LRFN2: variants seen among roughly 807,000 people sequenced by gnomAD.
LRFN2 encodes leucine-rich repeat and fibronectin type-III domain-containing protein 2.
A neutral mutation model predicts 37.3 loss-of-function variants in LRFN2; 18 were observed. That is an observed-to-expected ratio of 0.48 (90% confidence interval 0.33 to 0.72). The LOEUF (loss-of-function observed/expected upper bound fraction) is 0.72, where lower values mean the gene tolerates loss of function less well. Ranked by LOEUF, LRFN2 falls within the 30% of genes least tolerant of loss-of-function variation. The pLI is 0.02. For synonymous variants in LRFN2, 556 were observed against 466.6 expected (o/e 1.19, Z -2.47); for missense variants, 1,006 against 1,060.7 (o/e 0.95, Z 0.72).
intron 1 of LRFN2, among the ~76,000 whole-genome samples, chr6:40,468,077 A>G (rs941041903): frequency 1.1e-4 from 16 of 151,472 alleles, no homozygotes; most frequent in African/African-American, 3.9e-4. Context: ...GGTTCCCAAA[A>G]CTCTTCTGTC....
At chr6:40,441,670 G>A (rs570939868) in intron 1 of LRFN2, among the ~76,000 whole-genome samples, 26 of 152,252 alleles carry the variant, frequency 1.7e-4, no homozygotes, top group African/African-American at 5.3e-4. Flanking sequence ...AGCTCTCAGC[G>A]TCATTTTAGA....
chr6:40,548,422 CACA>C (rs1766703636), intron 1 of LRFN2, among the ~76,000 whole-genome samples: 1 of 144,168 alleles, frequency 6.9e-6, no homozygotes. Flanking sequence ...GCTTGGGTGA[CACA>C]ACGAGACTCC....
intron 1 of LRFN2, among the ~76,000 whole-genome samples, chr6:40,506,913 G>A (rs547981593): frequency 1.3e-5 from 2 of 152,116 alleles, no homozygotes; most frequent in East Asian, 3.9e-4. Context: ...TTACCCAGCA[G>A]GGATGTAAAG....
At chr6:40,540,716 C>T (rs1486000135) in intron 1 of LRFN2, among the ~76,000 whole-genome samples, 1 of 152,174 alleles carries the variant, frequency 6.6e-6, no homozygotes, top group Non-Finnish European at 1.5e-5. Flanking sequence ...TCCTTTCCTT[C>T]CCCATGTGGA....
chr6:40,562,795 G>A (rs1300964466), intron 1 of LRFN2, among the ~76,000 whole-genome samples: 1 of 150,734 alleles, frequency 6.6e-6, no homozygotes, highest in Non-Finnish European at 1.5e-5. Flanking sequence ...CATGGTACAT[G>A]CAAAGGCACA....
chr6:40,447,606 T>TATC (rs566564013), intron 1 of LRFN2, among the ~76,000 whole-genome samples: 108 of 152,264 alleles, frequency 7.1e-4, no homozygotes, highest in East Asian at 2.7e-3. Context: ...ACGTAGATGA[T>TATC]ATCATCATCA....
chr6:40,414,319 T>G (rs867105458), intron 2 of LRFN2, among the ~76,000 whole-genome samples: 16 of 152,142 alleles, frequency 1.1e-4, no homozygotes, highest in Non-Finnish European at 1.3e-4. Flanking sequence ...GCCAGTCTGC[T>G]TGGCTTCAAA....
chr6:40,477,818 C>T (rs1301198765), intron 1 of LRFN2, among the ~76,000 whole-genome samples: 1 of 152,090 alleles, frequency 6.6e-6, no homozygotes, highest in Non-Finnish European at 1.5e-5. Flanking sequence ...CTCTTTAGCG[C>T]CATGGTGGTG....
chr6:40,503,564 T>C (rs1765447707), intron 1 of LRFN2, among the ~76,000 whole-genome samples: 1 of 151,986 alleles, frequency 6.6e-6, no homozygotes, highest in Non-Finnish European at 1.5e-5. Flanking sequence ...CTGAGTAGAG[T>C]TGACAGTGCA....
At chr6:40,410,570 G>A (rs554001756) in intron 2 of LRFN2, among the ~76,000 whole-genome samples, 2 of 152,178 alleles carry the variant, frequency 1.3e-5, no homozygotes, top group Admixed American at 6.6e-5. Flanking sequence ...ATGAGGATCA[G>A]AAGTAATGTA....
chr6:40,518,600 G>A (rs1190094214), intron 1 of LRFN2, among the ~76,000 whole-genome samples: 2 of 152,156 alleles, frequency 1.3e-5, no homozygotes, highest in Non-Finnish European at 2.9e-5. Context: ...TAATGCCCCA[G>A]GAAAGCTGGC....
At chr6:40,507,240 T>C (rs148768771) in intron 1 of LRFN2, among the ~76,000 whole-genome samples, 1 of 152,220 alleles carries the variant, frequency 6.6e-6, no homozygotes, top group Non-Finnish European at 1.5e-5. Flanking sequence ...CACGTCAAAC[T>C]AGTCTCAGAG....
chr6:40,445,347 A>G (rs1005591545), intron 1 of LRFN2, among the ~76,000 whole-genome samples: 2 of 152,260 alleles, frequency 1.3e-5, no homozygotes, highest in African/African-American at 4.8e-5. Flanking sequence ...CAGAGTTGGA[A>G]TCGCAGTCCA....
intron 1 of LRFN2, among the ~76,000 whole-genome samples, chr6:40,573,795 T>A (rs1767229352): frequency 6.6e-6 from 1 of 152,162 alleles, no homozygotes; most frequent in African/African-American, 2.4e-5. Context: ...CTGGCCAACA[T>A]GGTGAAACCC....
At position 40,525,190 on chromosome 6, in the gene LRFN2, G is replaced by A. The variant is rs568373338; in HGVS notation, c.-19+61751C>T. On this transcript the variant is annotated intron_variant, in intron 1 of 2. Transcript: ENST00000338305. Reference sequence around the variant, plus strand: ...GGGCCATGCTGGTGATTCCAGGAGGGGAGCAGGACACAGGAGCATTCCATA... The same window carrying A: ...GGGCCATGCTGGTGATTCCAGGAGGAGAGCAGGACACAGGAGCATTCCATA... 2.6e-5 allele frequency among the ~76,000 whole-genome samples: 4 copies of A among 152,290 alleles called. No individual in the cohort carries two copies. In the East Asian group the frequency reaches 5.8e-4, roughly 22 times the overall value.
At chr6:40,421,111 T>TGAGCAA (rs1364929558) in intron 2 of LRFN2, among the ~76,000 whole-genome samples, 3 of 152,206 alleles carry the variant, frequency 2.0e-5, no homozygotes, top group Non-Finnish European at 2.9e-5. Context: ...GTAGAGAATG[T>TGAGCAA]GAGCAAGAGC....
chr6:40,411,444 T>C (rs1042932133), intron 2 of LRFN2, among the ~76,000 whole-genome samples: 10 of 152,202 alleles, frequency 6.6e-5, no homozygotes, highest in African/African-American at 2.4e-4. Context: ...GGGAAAAGGA[T>C]TGACCTGAGG....
At chr6:40,574,449 A>G (rs1767240316) in intron 1 of LRFN2, among the ~76,000 whole-genome samples, 1 of 152,122 alleles carries the variant, frequency 6.6e-6, no homozygotes, top group East Asian at 1.9e-4. Context: ...ATCAAGTAGC[A>G]GCTGTTAATA....
intron 1 of LRFN2, among the ~76,000 whole-genome samples, chr6:40,450,546 C>T (rs536012778): frequency 4.6e-5 from 7 of 152,336 alleles, no homozygotes; most frequent in East Asian, 1.9e-4. Context: ...GGGATGCAAC[C>T]GTGCTGGAAG....
Sources: gnomAD v4.1 joint callset for allele counts (sites outside exome capture counted in the v4.1 genomes callset) on GRCh38, gnomAD v4.1.1 for gene constraint, MANE v1.5 for transcripts, NCBI Gene and HGNC (gene_info 2026-07-23, HGNC 2026-07-21) for gene names.